CTNNA3: variants seen among roughly 807,000 people sequenced by gnomAD.
The protein encoded by CTNNA3 is catenin alpha 3, also known as catenin alpha-3.
Under a neutral mutation model 95.7 loss-of-function variants are expected in CTNNA3, and 76 were observed. The ratio of observed to expected loss-of-function variants is 0.79; its 90% CI spans 0.66 to 0.96. CTNNA3 has a LOEUF of 0.96. CTNNA3 is among the 40% of genes least tolerant of loss of function. CTNNA3 has a pLI of 0.00. For synonymous variants in CTNNA3, 431 were observed against 374.4 expected (o/e 1.15, Z -1.74); for missense variants, 1,191 against 1,089.8 (o/e 1.09, Z -1.31).
intron 15 of CTNNA3, among the ~76,000 whole-genome samples, chr10:66,059,453 T>A (rs181803065): frequency 4.6e-5 from 7 of 152,266 alleles, no homozygotes; most frequent in Admixed American, 1.3e-4. Flanking sequence ...TGAAAATCTT[T>A]ACTTTCCCTA....
At chr10:66,680,438 G>A (rs1311966039) in intron 9 of CTNNA3, among the ~76,000 whole-genome samples, 1 of 152,072 alleles carries the variant, frequency 6.6e-6, no homozygotes, top group Admixed American at 6.5e-5. Flanking sequence ...GAAGAGTAGA[G>A]GAAAGGCAAT....
chr10:65,947,513 T>G (rs1344080891), intron 17 of CTNNA3, among the ~76,000 whole-genome samples: 1 of 152,174 alleles, frequency 6.6e-6, no homozygotes, highest in Non-Finnish European at 1.5e-5. Context: ...GTAGTAGAAT[T>G]TCCCTCCTGG....
intron 11 of CTNNA3, among the ~76,000 whole-genome samples, chr10:66,384,436 T>C (rs1343391741): frequency 6.6e-6 from 1 of 152,174 alleles, no homozygotes; most frequent in Non-Finnish European, 1.5e-5. Flanking sequence ...CCCAGATTCA[T>C]AAAGCAAGTC....
chr10:67,598,665 C>G (rs945272548), intron 3 of CTNNA3, among the ~76,000 whole-genome samples: 1 of 152,092 alleles, frequency 6.6e-6, no homozygotes, highest in Non-Finnish European at 1.5e-5. Context: ...TCTTGAAATA[C>G]TAGAAACCGT....
intron 7 of CTNNA3, among the ~76,000 whole-genome samples, chr10:66,851,154 C>T (rs575755468): frequency 6.6e-6 from 1 of 152,224 alleles, no homozygotes; most frequent in East Asian, 1.9e-4. Context: ...TCTGAGCCCT[C>T]CTCTCTGTGA....
At chr10:67,105,260 G>GATAT (rs924409565) in intron 7 of CTNNA3, among the ~76,000 whole-genome samples, 9 of 152,088 alleles carry the variant, frequency 5.9e-5, no homozygotes, top group African/African-American at 1.7e-4. Context: ...TAGATAGATA[G>GATAT]AATTAATTCT....
intron 3 of CTNNA3, among the ~76,000 whole-genome samples, chr10:67,563,393 AGGAT>A (rs1439952482): frequency 6.6e-6 from 1 of 152,262 alleles, no homozygotes; most frequent in Non-Finnish European, 1.5e-5. Context: ...AAATGAGGAA[AGGAT>A]TCCCTATTTA....
intron 11 of CTNNA3, among the ~76,000 whole-genome samples, chr10:66,470,496 A>G (rs1839087266): frequency 6.6e-6 from 1 of 151,958 alleles, no homozygotes; most frequent in Non-Finnish European, 1.5e-5. Flanking sequence ...GACATGGAAA[A>G]GTGGATAGTT....
At chr10:66,949,064 T>C (rs956232837) in intron 7 of CTNNA3, among the ~76,000 whole-genome samples, 4 of 152,226 alleles carry the variant, frequency 2.6e-5, no homozygotes, top group Admixed American at 6.5e-5. Context: ...AAATTTATTG[T>C]CAAACATTAG....
chr10:67,726,726 A>AT (rs1398886363), intron 1 of CTNNA3, among the ~76,000 whole-genome samples: 1 of 1,762 alleles, frequency 5.7e-4, no homozygotes, highest in Non-Finnish European at 1.1e-3. Flanking sequence ...CATATATCAT[A>AT]ATATACAATA....
chr10:66,775,476 T>C lies in CTNNA3; in HGVS notation c.1096A>G (p.Met366Val), dbSNP rs1465563664. ...SNTLNIALDN[M>V]CKKTRDLRRQ... ...CGAAGGTCTCTTGTCTTCTTACACATGTTGTCTAAAGCAATATTCAGGGTA... is the reference window on the plus strand; with the variant it reads ...CGAAGGTCTCTTGTCTTCTTACACACGTTGTCTAAAGCAATATTCAGGGTA... The change falls in exon 8 of 18, where the codon ATG (methionine) becomes GTG (valine). Residue 366 changes from methionine (M) to valine (V), a missense_variant. Met to Val is a conservative substitution (Grantham distance 21). Transcript: ENST00000433211. 6.2e-7 allele frequency: 1 copy of C among 1,611,976 alleles called. No individual in the cohort carries two copies. The highest frequency in any genetic ancestry group is 8.5e-7 in the Non-Finnish European group (1 of 1,178,992).
At chr10:66,812,666 T>A (rs574605083) in intron 7 of CTNNA3, among the ~76,000 whole-genome samples, 2 of 152,104 alleles carry the variant, frequency 1.3e-5, no homozygotes, top group East Asian at 3.9e-4. Flanking sequence ...TTGGGAACAG[T>A]AAAAATATTA....
At chr10:67,691,827 G>A (rs4345859) in intron 1 of CTNNA3, among the ~76,000 whole-genome samples, 43,041 of 137,036 alleles carry the variant, frequency 0.31, 7,255 homozygotes, top group African/African-American at 0.53. Flanking sequence ...CTGCCCGGCC[G>A]CCCCTACTGG....
In CTNNA3 at chr10:66,240,513, G is replaced by A. The variant is rs145346413; in HGVS notation, c.1884+39957C>T. ...AATAGCCTACTGGGTTACCAGATGCGCTATAGTACTACAAAATTAAAGGAA... is the reference window on the plus strand; with the variant it reads ...AATAGCCTACTGGGTTACCAGATGCACTATAGTACTACAAAATTAAAGGAA... On this transcript the variant is annotated intron_variant, in intron 13 of 17. Transcript: ENST00000433211. Among the ~76,000 whole-genome samples the A allele has an allele frequency of 5.2e-3, 793 of 152,124 alleles. 4 individuals are homozygous for A. Among genetic ancestry groups the A allele is most frequent in the Admixed American group, 0.015 (231 of 15,266 alleles).
chr10:66,887,582 G>A (rs908157155), intron 7 of CTNNA3, among the ~76,000 whole-genome samples: 4 of 151,766 alleles, frequency 2.6e-5, no homozygotes, highest in Non-Finnish European at 5.9e-5. Context: ...CAATGTACCC[G>A]AGAACTAGAG....
intron 7 of CTNNA3, among the ~76,000 whole-genome samples, chr10:67,161,193 TC>T (rs1861529882): frequency 6.6e-6 from 1 of 152,008 alleles, no homozygotes; most frequent in Non-Finnish European, 1.5e-5. Flanking sequence ...AGTGCTTTTG[TC>T]ACAATAAATA....
intron 15 of CTNNA3, among the ~76,000 whole-genome samples, chr10:66,017,450 G>A (rs1325446165): frequency 6.6e-6 from 1 of 152,144 alleles, no homozygotes; most frequent in East Asian, 1.9e-4. Context: ...GATGACTAAA[G>A]CTCTCCATGA....
At chr10:66,138,147 T>C (rs114827070) in intron 13 of CTNNA3, among the ~76,000 whole-genome samples, 1 of 152,112 alleles carries the variant, frequency 6.6e-6, no homozygotes, top group Admixed American at 6.5e-5. Flanking sequence ...CCCAAATATA[T>C]GTATATATGT....
chr10:67,486,076 T>C (rs1204640509), intron 5 of CTNNA3, among the ~76,000 whole-genome samples: 1 of 152,212 alleles, frequency 6.6e-6, no homozygotes, highest in East Asian at 1.9e-4. Flanking sequence ...GTGACATAGA[T>C]GTTACAACTT....
Sources: gnomAD v4.1 joint callset for allele counts (sites outside exome capture counted in the v4.1 genomes callset) on GRCh38, gnomAD v4.1.1 for gene constraint, MANE v1.5 for transcripts, NCBI Gene and HGNC (gene_info 2026-07-23, HGNC 2026-07-21) for gene names.